Variants in ANKRD33B observed in about 807,000 individuals in gnomAD.
The protein encoded by ANKRD33B is ankyrin repeat domain 33B, also known as ankyrin repeat domain-containing protein 33B.
A neutral mutation model predicts 21.5 loss-of-function variants in ANKRD33B; 6 were observed. The ratio of observed to expected loss-of-function variants is 0.28; its 90% CI spans 0.15 to 0.55. ANKRD33B has a LOEUF of 0.55. ANKRD33B is among the 20% of genes least tolerant of loss of function. The pLI, the probability that ANKRD33B is intolerant of heterozygous loss-of-function variation, is 0.94. For missense variants in ANKRD33B, 698 were observed against 747.2 expected, an observed-to-expected ratio of 0.93 and a Z score of 0.77; for synonymous variants, 347 against 342.4, an observed-to-expected ratio of 1.01 and a Z score of -0.15.
Position 10,649,779 on chromosome 5 carries a change from G to C in ANKRD33B, c.1151G>C (p.Arg384Thr). The stretch of plus-strand genomic sequence containing the variant: ...GCGGACTCCCGGGAGGGCTCCCCGA[G>C]AGCCGGCCTCCCTCCCGCCCTGGGG... The part of the protein sequence containing the change: ...EDADSREGSP[R>T]AGLPPALGSR... The change falls in exon 4 of 4, where the codon AGA becomes ACA. Residue 384 changes from arginine (R) to threonine (T), a missense_variant. Physicochemically the swap from Arg to Thr is moderately conservative, Grantham distance 71. Transcript: ENST00000296657. 2 of 1,401,092 alleles carry C rather than the reference G, an allele frequency of 1.4e-6. No individual in the cohort carries two copies. The highest frequency in any genetic ancestry group is 3.2e-5 in the Admixed American group (1 of 31,362). The allele number at this position is 1,401,092 out of a possible 1,614,324, so 86.8% of individuals were successfully genotyped here. A position where few individuals can be genotyped will look rare whatever the true frequency, so the allele number is the denominator to read the frequency against.
intron 2 of ANKRD33B, among the ~76,000 whole-genome samples, chr5:10,620,578 G>A (rs78001545): frequency 7.2e-5 from 11 of 152,180 alleles, no homozygotes; most frequent in South Asian, 2.1e-4. Flanking sequence ...CTCTTTGTGC[G>A]TTAGAGATAA....
chr5:10,570,358 T>C (rs80349786), intron 1 of ANKRD33B, among the ~76,000 whole-genome samples: 1 of 152,182 alleles, frequency 6.6e-6, no homozygotes. Flanking sequence ...CAGCTGCGAA[T>C]GGCAAGACCA....
At chr5:10,595,414 G>A (rs776100280) in intron 1 of ANKRD33B, among the ~76,000 whole-genome samples, 1 of 152,228 alleles carries the variant, frequency 6.6e-6, no homozygotes, top group Non-Finnish European at 1.5e-5. Context: ...GTCTGTGACA[G>A]CATCGCTCCA....
chr5:10,582,768 C>T (rs952611959), intron 1 of ANKRD33B, among the ~76,000 whole-genome samples: 1 of 152,222 alleles, frequency 6.6e-6, no homozygotes, highest in Non-Finnish European at 1.5e-5. Flanking sequence ...CCATGGACTT[C>T]CCGTGGGCTC....
chr5:10,598,579 T>G (rs1181647906), intron 1 of ANKRD33B, among the ~76,000 whole-genome samples: 1 of 152,206 alleles, frequency 6.6e-6, no homozygotes, highest in Non-Finnish European at 1.5e-5. Context: ...GATTTTTGTT[T>G]TGTTTTGTTT....
chr5:10,638,618 T>C (rs1736932154), intron 3 of ANKRD33B, among the ~76,000 whole-genome samples: 1 of 152,076 alleles, frequency 6.6e-6, no homozygotes, highest in African/African-American at 2.4e-5. Context: ...TAGGAGGTGA[T>C]GTGGAGTTGC....
chr5:10,600,415 C>T (rs1014682356), intron 1 of ANKRD33B, among the ~76,000 whole-genome samples: 10 of 152,314 alleles, frequency 6.6e-5, no homozygotes, highest in East Asian at 3.9e-4. Flanking sequence ...AATCCAGCAG[C>T]GTGCACTTTT....
At chr5:10,647,635 A>T (rs913107478) in intron 3 of ANKRD33B, among the ~76,000 whole-genome samples, 1 of 152,204 alleles carries the variant, frequency 6.6e-6, no homozygotes, top group African/African-American at 2.4e-5. Context: ...CAGTCAACCA[A>T]TAGGATGTGG....
intron 2 of ANKRD33B, among the ~76,000 whole-genome samples, chr5:10,624,438 C>A (rs1736497660): frequency 6.6e-6 from 1 of 151,486 alleles, no homozygotes; most frequent in Non-Finnish European, 1.5e-5. Context: ...CCTTTTTTTT[C>A]TTTTTTACTG....
intron 1 of ANKRD33B, among the ~76,000 whole-genome samples, chr5:10,568,620 C>A (rs7730748): frequency 0.014 from 2,157 of 152,298 alleles, 57 homozygotes; most frequent in African/African-American, 0.049. Context: ...CTGCAACCTC[C>A]GCCTCCGGGG....
intron 3 of ANKRD33B, among the ~76,000 whole-genome samples, chr5:10,643,569 A>G (rs1737114161): frequency 6.6e-6 from 1 of 151,868 alleles, no homozygotes; most frequent in Admixed American, 6.6e-5. Context: ...TAATCTCAGC[A>G]CTGTGGGAGG....
At chr5:10,609,903 C>T (rs1224674009) in intron 1 of ANKRD33B, among the ~76,000 whole-genome samples, 1 of 151,756 alleles carries the variant, frequency 6.6e-6, no homozygotes, top group African/African-American at 2.4e-5. Context: ...AGTGAGACTC[C>T]ATCTAAAAAA....
rs954017561 is a variant in ANKRD33B, at chr5:10,657,227, A to G, written c.*7114A>G. 4.6e-5 allele frequency: 7 copies of G among 152,512 alleles called. No homozygotes were observed. Among genetic ancestry groups the G allele is most frequent in the African/African-American group, 1.2e-4 (5 of 41,590 alleles). The allele number at this position is 152,512 out of a possible 1,614,324, so 9.4% of individuals were successfully genotyped here. On this transcript the variant is annotated 3_prime_UTR_variant, in exon 4 of 4. Transcript: ENST00000296657. ...GGGCATCCGACTGAATTTGAAAATAATACCCCATTCAGATGAACATTAAAA... is the reference window on the plus strand; with the variant it reads ...GGGCATCCGACTGAATTTGAAAATAGTACCCCATTCAGATGAACATTAAAA...
At chr5:10,632,277 G>A (rs1327329654) in intron 2 of ANKRD33B, among the ~76,000 whole-genome samples, 3 of 152,102 alleles carry the variant, frequency 2.0e-5, no homozygotes, top group Admixed American at 6.5e-5. Context: ...ATCCAGGAGA[G>A]GGGTTTGCGT....
chr5:10,648,992 A>T (rs2126610327), intron 3 of ANKRD33B, among the ~76,000 whole-genome samples: 1 of 152,322 alleles, frequency 6.6e-6, no homozygotes, highest in South Asian at 2.1e-4. Context: ...GCGGTGGTGT[A>T]GCCCCAGCTA....
rs1736380596 is a variant in ANKRD33B at position 10,619,892 on chromosome 5, G to A, written c.496+1430G>A. On this transcript the variant is annotated intron_variant, in intron 2 of 3. Transcript: ENST00000296657. The surrounding 1 kb of genome is among the most constrained non-coding windows in gnomAD (Gnocchi z 4.5). ...CTGTCTGCCGGAGCTTGGTGCTGTG[G>A]GATGAGAACACTCTATCTAGCCTGA... Among the ~76,000 whole-genome samples the A allele has an allele frequency of 6.6e-6, 1 of 152,128 alleles. No individual in the cohort carries two copies. The highest frequency in any genetic ancestry group is 6.5e-5 in the Admixed American group (1 of 15,274).
chr5:10,615,524 CAG>C, intron 1 of ANKRD33B, among the ~76,000 whole-genome samples: 1 of 152,296 alleles, frequency 6.6e-6, no homozygotes, highest in South Asian at 2.1e-4. Context: ...AATTTTGACA[CAG>C]AGTTACTTTT....
At chr5:10,586,533 G>GTGTA (rs1001760328) in intron 1 of ANKRD33B, among the ~76,000 whole-genome samples, 5 of 123,544 alleles carry the variant, frequency 4.0e-5, no homozygotes, top group African/African-American at 1.6e-4. Flanking sequence ...GTGTGTGTGT[G>GTGTA]TATACTGCTT....
intron 1 of ANKRD33B, among the ~76,000 whole-genome samples, chr5:10,585,505 G>A (rs760111034): frequency 6.6e-6 from 1 of 152,214 alleles, no homozygotes; most frequent in Non-Finnish European, 1.5e-5. Context: ...GGGGTCTGTG[G>A]AGCATGTGGC....
Sources: gnomAD v4.1 joint callset for allele counts (sites outside exome capture counted in the v4.1 genomes callset) on GRCh38, gnomAD v4.1.1 for gene constraint, Gnocchi (gnomAD v3.1) non-coding constraint, MANE v1.5 for transcripts, NCBI Gene and HGNC (gene_info 2026-07-23, HGNC 2026-07-21) for gene names.